Variants in DAB1 observed in about 807,000 individuals in gnomAD.
The protein encoded by DAB1 is disabled homolog 1.
DAB1 carries 15 observed loss-of-function variants against 64.6 expected under a neutral mutation model. The observed-to-expected ratio is 0.23, with a 90% CI of 0.16 to 0.36. The LOEUF (loss-of-function observed/expected upper bound fraction) is 0.36. Among genes scored for constraint, DAB1 ranks in the 10% least tolerant of loss-of-function variants. The probability of loss-of-function intolerance (pLI) is 1.00; values close to 1 mark genes in which losing one functional copy is unlikely to be tolerated. For synonymous variants in DAB1, 235 were observed against 251.9 expected (o/e 0.93, Z 0.64); for missense variants, 596 against 706.7 (o/e 0.84, Z 1.78).
chr1:58,392,601 G>A (rs187503594), intron 3 of DAB1, among the ~76,000 whole-genome samples: 216 of 152,154 alleles, frequency 1.4e-3, no homozygotes, highest in Non-Finnish European at 1.5e-3. Context: ...AAGGAAGACT[G>A]CCCTCCACGA....
intron 7 of DAB1, among the ~76,000 whole-genome samples, chr1:57,469,348 G>C (rs747271033): frequency 7.2e-5 from 11 of 152,194 alleles, no homozygotes; most frequent in Non-Finnish European, 1.3e-4. Context: ...CTTCATGGCT[G>C]GCTGGCTTCC....
intron 3 of DAB1, among the ~76,000 whole-genome samples, chr1:57,142,003 T>C (rs984222727): frequency 6.6e-6 from 1 of 152,202 alleles, no homozygotes; most frequent in Non-Finnish European, 1.5e-5. Context: ...TCAGATTTCT[T>C]CTTCACAAAA....
intron 5 of DAB1, among the ~76,000 whole-genome samples, chr1:58,046,727 T>A (rs2100516992): frequency 6.6e-6 from 1 of 152,338 alleles, no homozygotes; most frequent in African/African-American, 2.4e-5. Context: ...TGTCTTGGTA[T>A]CCTTTGTGTG....
chr1:57,354,972 C>T (rs1166452223), intron 1 of DAB1, among the ~76,000 whole-genome samples: 1 of 152,066 alleles, frequency 6.6e-6, no homozygotes, highest in Non-Finnish European at 1.5e-5. Flanking sequence ...CCACGATTAG[C>T]AGAGTGAATT....
chr1:58,384,322 G>A (rs896960184), intron 3 of DAB1, among the ~76,000 whole-genome samples: 7 of 152,148 alleles, frequency 4.6e-5, no homozygotes, highest in African/African-American at 1.7e-4. Context: ...TCTTATGAAA[G>A]ATATCTAAAT....
chr1:57,485,831 T>C (rs1421944506), intron 7 of DAB1, among the ~76,000 whole-genome samples: 1 of 152,202 alleles, frequency 6.6e-6, no homozygotes, highest in African/African-American at 2.4e-5. Flanking sequence ...AGAAAGTCCT[T>C]GGTAAACTGT....
intron 1 of DAB1, among the ~76,000 whole-genome samples, chr1:57,335,092 G>A (rs1676970828): frequency 6.6e-6 from 1 of 152,080 alleles, no homozygotes; most frequent in Admixed American, 6.5e-5. Flanking sequence ...CATTCTAATT[G>A]TTCTTCTAAG....
At chr1:57,693,571 C>T (rs1646789852) in intron 6 of DAB1, among the ~76,000 whole-genome samples, 1 of 152,176 alleles carries the variant, frequency 6.6e-6, no homozygotes, top group African/African-American at 2.4e-5. Flanking sequence ...GCTGGCTAAC[C>T]AAGACAGCAG....
At chr1:57,685,143 G>T (rs182977582) in intron 6 of DAB1, among the ~76,000 whole-genome samples, 4 of 151,392 alleles carry the variant, frequency 2.6e-5, no homozygotes, top group Non-Finnish European at 5.9e-5. Context: ...TAGTAGAGAC[G>T]GGGTTTCACC....
At chr1:58,311,581 C>G (rs1175404378) in intron 4 of DAB1, among the ~76,000 whole-genome samples, 1 of 152,102 alleles carries the variant, frequency 6.6e-6, no homozygotes, top group Non-Finnish European at 1.5e-5. Context: ...AGAAATCCTG[C>G]CTTGGCAATC....
intron 4 of DAB1, among the ~76,000 whole-genome samples, chr1:58,206,258 A>G (rs1159757451): frequency 1.3e-5 from 2 of 152,192 alleles, no homozygotes; most frequent in Non-Finnish European, 2.9e-5. Flanking sequence ...CTTCCAGGTC[A>G]TAGGTAGGTT....
At chr1:57,774,888 T>C (rs1649722896) in intron 6 of DAB1, among the ~76,000 whole-genome samples, 2 of 151,720 alleles carry the variant, frequency 1.3e-5, no homozygotes, top group African/African-American at 4.8e-5. Context: ...AATGAGGCCA[T>C]CTGTGTCTGA....
intron 4 of DAB1, among the ~76,000 whole-genome samples, chr1:58,289,501 T>C (rs1371341400): frequency 6.6e-6 from 1 of 152,190 alleles, no homozygotes; most frequent in Non-Finnish European, 1.5e-5. Flanking sequence ...ATTTTAAAGT[T>C]TGAGGGAAAC....
chr1:58,193,627 G>A lies in DAB1; in HGVS notation n.310-43039C>T, dbSNP rs540224264. On this transcript the variant is annotated intron_variant and non_coding_transcript_variant, in intron 4 of 20. Coordinates refer to the DAB1 transcript ENST00000485760. ...TCCCAGCACTTTGGGAGGTCGAGGC[G>A]GGTGGATCACCTGAGGTCAGGAGTT... Among the ~76,000 whole-genome samples, 278 of 152,216 alleles carry A rather than the reference G, an allele frequency of 1.8e-3. 2 individuals carry two copies. The highest frequency in any genetic ancestry group is 6.2e-3 in the African/African-American group (257 of 41,548).
intron 1 of DAB1, among the ~76,000 whole-genome samples, chr1:57,395,382 C>T (rs981973434): frequency 6.6e-6 from 1 of 152,126 alleles, no homozygotes; most frequent in Non-Finnish European, 1.5e-5. Context: ...ACCACTCATA[C>T]TGAAGCCAGA....
At chr1:57,154,165 A>C (rs994280440) in intron 2 of DAB1, among the ~76,000 whole-genome samples, 10 of 152,254 alleles carry the variant, frequency 6.6e-5, no homozygotes, top group Non-Finnish European at 1.2e-4. Context: ...TTTTTGTACC[A>C]TTAGCCATCC....
intron 5 of DAB1, among the ~76,000 whole-genome samples, chr1:57,920,120 G>A (rs1026531652): frequency 1.3e-5 from 2 of 152,136 alleles, no homozygotes; most frequent in Admixed American, 1.3e-4. Flanking sequence ...AAGGCAGAGA[G>A]GTGAGCTAGC....
chr1:58,036,564 A>C (rs1392164749), intron 5 of DAB1, among the ~76,000 whole-genome samples: 1 of 152,202 alleles, frequency 6.6e-6, no homozygotes, highest in Non-Finnish European at 1.5e-5. Flanking sequence ...TCAAATTAAT[A>C]CTTTTATCAT....
At chr1:58,327,199 G>A (rs910228551) in intron 4 of DAB1, among the ~76,000 whole-genome samples, 7 of 152,024 alleles carry the variant, frequency 4.6e-5, no homozygotes, top group Non-Finnish European at 7.4e-5. Context: ...TAATTTCCAC[G>A]TTGAACTTTG....
Sources: gnomAD v4.1 joint callset for allele counts (sites outside exome capture counted in the v4.1 genomes callset) on GRCh38, gnomAD v4.1.1 for gene constraint, MANE v1.5 for transcripts, NCBI Gene and HGNC (gene_info 2026-07-23, HGNC 2026-07-21) for gene names.